Variants in TMEM232 observed in about 807,000 individuals in gnomAD.
TMEM232 encodes the protein transmembrane protein 232.
TMEM232 carries 80 observed loss-of-function variants against 78.8 expected under a neutral mutation model. The observed-to-expected ratio is 1.01, with a 90% CI of 0.85 to 1.22. The LOEUF is 1.22. Ranked by LOEUF, TMEM232 falls within the 50% of genes most tolerant of loss-of-function variation. The probability of loss-of-function intolerance (pLI) is 0.00; values close to 1 mark genes in which losing one functional copy is unlikely to be tolerated. For synonymous variants in TMEM232, 297 were observed against 254.3 expected (o/e 1.17, Z -1.60); for missense variants, 881 against 742.2 (o/e 1.19, Z -2.17).
At chr5:110,516,218 A>G (rs1265810227) in intron 12 of TMEM232, among the ~76,000 whole-genome samples, 6 of 152,276 alleles carry the variant, frequency 3.9e-5, no homozygotes, top group Middle Eastern at 3.4e-3. Context: ...CAGCCTGGGC[A>G]ACAGAGGAAG....
At chr5:110,615,379 A>T (rs1452255434) in intron 8 of TMEM232, among the ~76,000 whole-genome samples, 1 of 151,992 alleles carries the variant, frequency 6.6e-6, no homozygotes, top group Non-Finnish European at 1.5e-5. Context: ...ATGGCATTAC[A>T]AGTTATTATT....
chr5:110,468,998 G>A (rs1040349181), intron 12 of TMEM232, among the ~76,000 whole-genome samples: 1 of 152,148 alleles, frequency 6.6e-6, no homozygotes, highest in African/African-American at 2.4e-5. Context: ...GAAACCAGGA[G>A]GAACTTCTCT....
intron 12 of TMEM232, among the ~76,000 whole-genome samples, chr5:110,525,252 G>A (rs187552948): frequency 6.6e-6 from 1 of 151,228 alleles, no homozygotes; most frequent in Non-Finnish European, 1.5e-5. Context: ...AAAGGAAAAG[G>A]GCTAAAGTAT....
Position 110,605,156 on chromosome 5 carries a change from C to G in TMEM232, c.1229G>C (p.Ser410Thr), listed in dbSNP as rs1781391369. 1 of 1,549,070 alleles carries G rather than the reference C, an allele frequency of 6.5e-7. No homozygotes were observed. Among genetic ancestry groups the G allele is most frequent in the African/African-American group, 1.4e-5 (1 of 72,968 alleles). The change falls in exon 10 of 14, where the codon AGT (serine) becomes ACT (threonine). Residue 410 changes from serine (S) to threonine (T), a missense_variant. Coordinates refer to ENST00000455884, the MANE Select transcript of TMEM232 (RefSeq NM_001039763.4). ...KSVPPELKETSILSLLEYFSS... is the reference protein window; with the variant it reads ...KSVPPELKETTILSLLEYFSS... Reference sequence around the variant, plus strand: ...GAAATATTCCAAAAGACTTAAAATACTTGTTTCCTTTAATTCTGGAGGTAC... The same window carrying G: ...GAAATATTCCAAAAGACTTAAAATAGTTGTTTCCTTTAATTCTGGAGGTAC...
In TMEM232 at chr5:110,572,835, T is replaced by C. The variant is rs76912867; in HGVS notation, c.1277-4210A>G. On this transcript the variant is annotated intron_variant, in intron 10 of 13. Transcript: ENST00000455884. ...AGAAAAAAAACCTTATAAAGACAGA[T>C]GGTATGTGTTACAACTGTCATAAAA... Among the ~76,000 whole-genome samples, 1,092 of 152,188 alleles carry C rather than the reference T, an allele frequency of 7.2e-3. 6 individuals carry two copies. The highest frequency in any genetic ancestry group is 0.034 in the Middle Eastern group (10 of 294).
At chr5:110,656,393 T>A (rs925922141) in intron 2 of TMEM232, among the ~76,000 whole-genome samples, 1 of 152,204 alleles carries the variant, frequency 6.6e-6, no homozygotes, top group Non-Finnish European at 1.5e-5. Context: ...CACAGCCTTA[T>A]ATCCTTATGT....
intron 12 of TMEM232, among the ~76,000 whole-genome samples, chr5:110,466,348 T>A (rs1458313133): frequency 6.6e-6 from 1 of 152,204 alleles, no homozygotes; most frequent in Non-Finnish European, 1.5e-5. Context: ...GGCAATTCCA[T>A]GGAGGAAATT....
chr5:110,665,368 G>A (rs1046788421), intron 2 of TMEM232, among the ~76,000 whole-genome samples: 15 of 152,048 alleles, frequency 9.9e-5, no homozygotes, highest in Non-Finnish European at 1.8e-4. Flanking sequence ...GTATTAGTCC[G>A]TTCTCACACT....
chr5:110,499,852 C>A (rs961995628), intron 12 of TMEM232, among the ~76,000 whole-genome samples: 1 of 151,982 alleles, frequency 6.6e-6, no homozygotes, highest in Non-Finnish European at 1.5e-5. Flanking sequence ...AAAATATAGT[C>A]AATATAGAGA....
upstream of TMEM232, among the ~76,000 whole-genome samples, chr5:110,730,963 A>T (rs981199209): frequency 5.9e-5 from 9 of 152,198 alleles, no homozygotes; most frequent in Non-Finnish European, 1.3e-4. Context: ...CATCTGCAAC[A>T]AGCCAAGTCC....
chr5:110,637,037 T>G (rs1785935865), intron 5 of TMEM232, among the ~76,000 whole-genome samples: 1 of 151,706 alleles, frequency 6.6e-6, no homozygotes, highest in Non-Finnish European at 1.5e-5. Flanking sequence ...AAAGCCAGAC[T>G]TGCTCCATGT....
chr5:110,424,552 T>A (rs755269220), intron 13 of TMEM232, among the ~76,000 whole-genome samples: 2 of 152,176 alleles, frequency 1.3e-5, no homozygotes, highest in South Asian at 2.1e-4. Context: ...GTGTTCAATA[T>A]AAGATTCTTG....
At chr5:110,604,855 G>A (rs1206631469) in intron 10 of TMEM232, among the ~76,000 whole-genome samples, 2 of 152,122 alleles carry the variant, frequency 1.3e-5, no homozygotes, top group African/African-American at 2.4e-5. Context: ...CTACTCAGGA[G>A]GCTGAGGCAG....
intron 1 of TMEM232, among the ~76,000 whole-genome samples, chr5:110,668,429 C>A (rs928882098): frequency 3.3e-5 from 5 of 152,250 alleles, no homozygotes; most frequent in African/African-American, 1.2e-4. Flanking sequence ...CAGTCATCCG[C>A]CTGTGCTACT....
At chr5:110,437,738 C>T (rs562087909) in intron 12 of TMEM232, among the ~76,000 whole-genome samples, 1 of 152,046 alleles carries the variant, frequency 6.6e-6, no homozygotes, top group Admixed American at 6.6e-5. Context: ...TGCATAATTA[C>T]CAAGAACAAG....
intron 1 of TMEM232, among the ~76,000 whole-genome samples, chr5:110,687,642 T>C (rs1793585096): frequency 6.6e-6 from 1 of 152,026 alleles, no homozygotes; most frequent in African/African-American, 2.4e-5. Context: ...GAAAAAAAGG[T>C]AGTTTTGGTT....
chr5:110,568,754 T>C, intron 10 of TMEM232, 129 bp from the exon 11 acceptor site: 1 of 962,470 alleles, frequency 1.0e-6, no homozygotes, highest in African/African-American at 1.7e-5. Flanking sequence ...AATTCTAAGC[T>C]GTGGAAATTT....
downstream of TMEM232, among the ~76,000 whole-genome samples, chr5:110,418,719 G>A (rs996424883): frequency 4.6e-5 from 7 of 152,098 alleles, no homozygotes; most frequent in Admixed American, 1.3e-4. Context: ...GTAGAAATAC[G>A]CTAATCAGAG....
At chr5:110,512,033 A>C (rs1767830308) in intron 12 of TMEM232, among the ~76,000 whole-genome samples, 1 of 151,706 alleles carries the variant, frequency 6.6e-6, no homozygotes, top group Non-Finnish European at 1.5e-5. Context: ...TACATCATGT[A>C]CCTCTCCCTC....
Sources: allele counts gnomAD v4.1 joint callset (sites outside exome capture counted in the v4.1 genomes callset), GRCh38; gene constraint gnomAD v4.1.1; transcripts MANE v1.5; gene names NCBI Gene and HGNC (gene_info 2026-07-23, HGNC 2026-07-21).